MICAL3: variants seen among roughly 807,000 people sequenced by gnomAD.
MICAL3 encodes [F-actin]-monooxygenase MICAL3.
A neutral mutation model predicts 207.4 loss-of-function variants in MICAL3; 62 were observed. The ratio of observed to expected loss-of-function variants is 0.30; its 90% CI spans 0.24 to 0.37. MICAL3 has a LOEUF of 0.37. MICAL3 is among the 10% of genes least tolerant of loss of function. The pLI, the probability that MICAL3 is intolerant of heterozygous loss-of-function variation, is 1.00. For missense variants in MICAL3, 2,368 were observed against 2,635.6 expected, an observed-to-expected ratio of 0.90 and a Z score of 2.22; for synonymous variants, 1,077 against 1,069.3, an observed-to-expected ratio of 1.01 and a Z score of -0.14.
chr22:17,825,154 G>T (rs1387323069), intron 22 of MICAL3, among the ~76,000 whole-genome samples: 1 of 152,168 alleles, frequency 6.6e-6, no homozygotes, highest in African/African-American at 2.4e-5. Context: ...GGTCCTTCAC[G>T]CGGCTCTCCT....
In MICAL3 at chr22:17,817,622, C is replaced by A. The variant is rs771086163; in HGVS notation, c.5039G>T (p.Gly1680Val). ...TGAAGTGAAAGAGCCATCTGGGCCC[C>A]CTGAGTCCGACGGCGGGGAGAGGAC... ...EEVLSPPSDS[G>V]GPDGSFTSSE... is the part of the protein sequence containing the mutation. The change falls in exon 26 of 32, where the codon GGG (glycine) becomes GTG (valine). Residue 1680 changes from glycine to valine, a missense_variant. This residue lies in a region of MICAL3 where 1,770 missense variants were observed against 1,863.2 expected (regional missense o/e 0.95). Coordinates refer to ENST00000441493, the MANE Select transcript of MICAL3 (RefSeq NM_015241.3). 4 of 1,613,082 alleles carry A rather than the reference C, an allele frequency of 2.5e-6. No homozygotes were observed. In the African/African-American group the frequency reaches 4.0e-5, roughly 16 times the overall value.
intron 20 of MICAL3, among the ~76,000 whole-genome samples, chr22:17,836,786 T>A (rs113675727): frequency 0.027 from 4,078 of 151,988 alleles, 184 homozygotes; most frequent in African/African-American, 0.091. Context: ...CTGGGACTAC[T>A]CGGCCCGCCA....
chr22:17,876,950 G>GGTTAGAGAA lies in MICAL3; in HGVS notation c.2242-4928_2242-4927insTTCTCTAAC, dbSNP rs1569109515. The GGTTAGAGAA allele has an allele frequency of 7.5e-5, 9 of 119,836 alleles. 1 individual carries two copies. The highest frequency in any genetic ancestry group is 1.2e-4 in the African/African-American group (3 of 25,736). 7.4% of individuals were successfully genotyped at this position (119,836 alleles called of 1,614,324 possible). ...TTAGGGAGGTTAGGGAGGTTATGGA[G>GGTTAGAGAA]GTTATGGAGGTTAGGGAGGTTATGG... On this transcript the variant is annotated intron_variant, in intron 16 of 31. Coordinates refer to ENST00000441493, the MANE Select transcript of MICAL3 (RefSeq NM_015241.3).
intron 13 of MICAL3, among the ~76,000 whole-genome samples, chr22:17,888,184 C>T (rs1223055375): frequency 6.6e-6 from 1 of 152,062 alleles, no homozygotes; most frequent in East Asian, 1.9e-4. Flanking sequence ...ACACCCGTTA[C>T]CCCATTTTAC....
intron 1 of MICAL3, among the ~76,000 whole-genome samples, chr22:17,913,692 T>C (rs749601648): frequency 2.6e-5 from 4 of 152,172 alleles, no homozygotes; most frequent in African/African-American, 2.4e-5. Flanking sequence ...CTAACACTTA[T>C]GTTGTATCTT....
chr22:18,019,026 T>C (rs1228928101), intron 1 of MICAL3, among the ~76,000 whole-genome samples: 1 of 151,880 alleles, frequency 6.6e-6, no homozygotes, highest in Non-Finnish European at 1.5e-5. Flanking sequence ...ACCCTGTCTG[T>C]ACAAAAAAAT....
intron 1 of MICAL3, among the ~76,000 whole-genome samples, chr22:17,910,700 C>T (rs1290432591): frequency 1.3e-5 from 2 of 152,214 alleles, no homozygotes; most frequent in African/African-American, 4.8e-5. Context: ...CAGAGTGTGA[C>T]AGCATTGCTC....
rs551676997 is a variant in MICAL3, at chr22:17,961,497, C to G, written c.-74-54611G>C. The stretch of plus-strand genomic sequence containing the variant: ...CCAAATCTGCCTCCTTCCCCCCACC[C>G]TCTCACCCCCATGGTCCTTCCCTAA... On this transcript the variant is annotated intron_variant, in intron 1 of 31. Coordinates refer to ENST00000441493, the MANE Select transcript of MICAL3 (RefSeq NM_015241.3). Among the ~76,000 whole-genome samples, 6 of 152,176 alleles carry G rather than the reference C, an allele frequency of 3.9e-5. No homozygotes were observed. In the East Asian group the frequency reaches 1.2e-3, roughly 29 times the overall value.
At chr22:17,827,532 G>A (rs900533639) in intron 22 of MICAL3, 112 bp downstream of exon 22, 69 of 1,188,746 alleles carry the variant, frequency 5.8e-5, no homozygotes, top group Non-Finnish European at 7.3e-5. Flanking sequence ...CCTGGCTCCC[G>A]TGTGTGACCT....
chr22:17,860,425 C>G, intron 19 of MICAL3: 1 of 985,422 alleles, frequency 1.0e-6, no homozygotes, highest in Non-Finnish European at 1.2e-6. Flanking sequence ...GCTCTCGTAC[C>G]GCCGCCGGGA....
At chr22:17,955,848 G>A (rs1934588408) in intron 1 of MICAL3, among the ~76,000 whole-genome samples, 1 of 152,150 alleles carries the variant, frequency 6.6e-6, no homozygotes. Flanking sequence ...GCTGAGGATT[G>A]GACCGGGAAA....
At chr22:17,855,392 C>T (rs979351649) in intron 19 of MICAL3, among the ~76,000 whole-genome samples, 6 of 152,164 alleles carry the variant, frequency 3.9e-5, no homozygotes, top group Non-Finnish European at 7.3e-5. Context: ...CACCTTCACT[C>T]AGGCCTTTGA....
intron 1 of MICAL3, among the ~76,000 whole-genome samples, chr22:17,946,442 T>C (rs1934070774): frequency 6.6e-6 from 1 of 152,200 alleles, no homozygotes; most frequent in Non-Finnish European, 1.5e-5. Context: ...TTCTTTCATT[T>C]AGTGTAGGGA....
intron 1 of MICAL3, among the ~76,000 whole-genome samples, chr22:17,945,305 C>T (rs919057141): frequency 1.3e-5 from 2 of 152,172 alleles, no homozygotes; most frequent in East Asian, 1.9e-4. Context: ...CCTTCACCCT[C>T]GTCCACTAAT....
chr22:17,917,898 C>G (rs1332736227), intron 1 of MICAL3, among the ~76,000 whole-genome samples: 1 of 152,224 alleles, frequency 6.6e-6, no homozygotes, highest in South Asian at 2.1e-4. Context: ...CCCTCTATCT[C>G]CCCTGGCAGA....
intron 19 of MICAL3, chr22:17,860,040 C>T (rs149425871): frequency 2.9e-5 from 8 of 279,124 alleles, no homozygotes; most frequent in South Asian, 2.7e-4. Flanking sequence ...GCTGACCCCC[C>T]GGAGTGGGAG....
Position 17,876,811 on chromosome 22 carries a change from G to GGGAGGTTAA in MICAL3, c.2242-4789_2242-4788insTTAACCTCC, listed in dbSNP as rs1569109104. 18 of 40,626 alleles carry GGGAGGTTAA rather than the reference G, an allele frequency of 4.4e-4. 2 individuals carry two copies. Among genetic ancestry groups the GGGAGGTTAA allele is most frequent in the African/African-American group, 1.4e-3 (15 of 10,400 alleles). 2.5% of individuals were successfully genotyped at this position (40,626 alleles called of 1,614,324 possible). A position where few individuals can be genotyped will look rare whatever the true frequency, so the allele number is the denominator to read the frequency against. ...GAGGTTAGGGAAGTTATGGAGGTTA[G>GGGAGGTTAA]GGAGGTTAGGGAGGTTATGGAGGTT... is the stretch of plus-strand genomic sequence containing the variant. On this transcript the variant is annotated intron_variant, in intron 16 of 31. Transcript: ENST00000441493.
intron 29 of MICAL3, among the ~76,000 whole-genome samples, chr22:17,806,909 C>T (rs1354744467): frequency 1.3e-5 from 2 of 152,216 alleles, no homozygotes; most frequent in Admixed American, 6.5e-5. Flanking sequence ...TTGGCAGAAG[C>T]TTGAATAACA....
rs182681271 is a variant in MICAL3, at chr22:18,017,468, G to A, written c.-75+6813C>T. ...ATGACCTTGTGATCCACCCACCTCC[G>A]CCTCCCAAAGTGCTGGGATTACAGG... On this transcript the variant is annotated intron_variant, in intron 1 of 31. Coordinates refer to ENST00000441493, the MANE Select transcript of MICAL3 (RefSeq NM_015241.3). 2.7e-3 allele frequency among the ~76,000 whole-genome samples: 413 copies of A among 152,048 alleles called. 5 individuals carry two copies. Among genetic ancestry groups the A allele is most frequent in the African/African-American group, 7.5e-4 (31 of 41,498 alleles).
Sources: gnomAD v4.1 joint callset for allele counts (sites outside exome capture counted in the v4.1 genomes callset) on GRCh38, gnomAD v4.1.1 for gene constraint, gnomAD v4.1.1 regional missense constraint, MANE v1.5 for transcripts, NCBI Gene and HGNC (gene_info 2026-07-23, HGNC 2026-07-21) for gene names.